Variants in COL4A2 observed in about 807,000 individuals in gnomAD.
COL4A2 encodes the protein collagen alpha-2(IV) chain.
In COL4A2, 99 loss-of-function variants were observed where a neutral mutation model predicts 200.2. That is an observed-to-expected ratio of 0.49 (90% confidence interval 0.42 to 0.58). COL4A2 has a LOEUF of 0.58. Ranked by LOEUF, COL4A2 falls within the 20% of genes least tolerant of loss-of-function variation. The pLI, the probability that COL4A2 is intolerant of heterozygous loss-of-function variation, is 0.00. For missense variants in COL4A2, 1,950 were observed against 2,314.1 expected, an observed-to-expected ratio of 0.84 and a Z score of 3.23; for synonymous variants, 897 against 900.6, an observed-to-expected ratio of 1.00 and a Z score of 0.07.
intron 4 of COL4A2, among the ~76,000 whole-genome samples, chr13:110,360,836 G>A (rs1233898688): frequency 6.6e-6 from 1 of 151,950 alleles, no homozygotes; most frequent in Non-Finnish European, 1.5e-5. Flanking sequence ...TGCACGCGCA[G>A]CACTCATGTG....
intron 4 of COL4A2, among the ~76,000 whole-genome samples, chr13:110,412,427 C>CG (rs1372123229): frequency 6.6e-6 from 1 of 152,184 alleles, no homozygotes; most frequent in African/African-American, 2.4e-5. Flanking sequence ...CCTGCCACCT[C>CG]GTGTTCACCA....
chr13:110,468,248 G>C, intron 27 of COL4A2: 1 of 471,596 alleles, frequency 2.1e-6, no homozygotes, highest in South Asian at 1.5e-5. Flanking sequence ...TGTGAGCAGA[G>C]GTAAAGGCTC....
chr13:110,432,269 T>A (rs1880710201), intron 10 of COL4A2, 56 bp from the exon 11 acceptor site: 1 of 1,558,666 alleles, frequency 6.4e-7, no homozygotes, highest in South Asian at 1.2e-5. Flanking sequence ...CCACCAGATG[T>A]TATCTGGGTC....
intron 40 of COL4A2, among the ~76,000 whole-genome samples, chr13:110,500,685 A>C (rs1883607276): frequency 6.6e-6 from 1 of 152,220 alleles, no homozygotes; most frequent in African/African-American, 2.4e-5. Flanking sequence ...GGGAAATACA[A>C]GGCTAAGTTC....
intron 16 of COL4A2, among the ~76,000 whole-genome samples, chr13:110,440,842 A>G (rs1251259263): frequency 6.6e-6 from 1 of 152,104 alleles, no homozygotes; most frequent in African/African-American, 2.4e-5. Flanking sequence ...CACTCATGCC[A>G]ACATACACAC....
intron 20 of COL4A2, among the ~76,000 whole-genome samples, chr13:110,453,516 A>G: frequency 6.6e-6 from 1 of 151,746 alleles, no homozygotes; most frequent in South Asian, 2.1e-4. Context: ...TAAAAAAAGG[A>G]AAAAAAAATC....
At chr13:110,432,415 G>T (rs1880717189) in intron 11 of COL4A2, 55 bp downstream of exon 11, 3 of 1,543,154 alleles carry the variant, frequency 1.9e-6, no homozygotes, top group Admixed American at 2.2e-5. Flanking sequence ...GGTGTTTGTG[G>T]GTTTGTTTGT....
intron 31 of COL4A2, among the ~76,000 whole-genome samples, chr13:110,482,182 AG>A (rs1191066510): frequency 2.6e-5 from 4 of 152,118 alleles, no homozygotes; most frequent in Non-Finnish European, 5.9e-5. Context: ...CTTCCTTTCC[AG>A]CGTGCTCCTC....
At chr13:110,385,104 T>C (rs1284075793) in intron 4 of COL4A2, among the ~76,000 whole-genome samples, 1 of 151,666 alleles carries the variant, frequency 6.6e-6, no homozygotes, top group African/African-American at 2.4e-5. Flanking sequence ...CTACTAAAAA[T>C]AGAAAAAATT....
chr13:110,500,989 G>A (rs1027398715), intron 40 of COL4A2, among the ~76,000 whole-genome samples: 7 of 152,212 alleles, frequency 4.6e-5, no homozygotes, highest in African/African-American at 1.7e-4. Flanking sequence ...CAGAGACCAA[G>A]ACAAGGACAC....
chr13:110,505,127 G>A (rs535214997), intron 45 of COL4A2, among the ~76,000 whole-genome samples: 2 of 151,612 alleles, frequency 1.3e-5, no homozygotes, highest in African/African-American at 2.4e-5. Context: ...GAGGTGGGCG[G>A]ATCACAAGGG....
In COL4A2 at chr13:110,458,801, G is replaced by A. The variant is rs865961716; in HGVS notation, c.1463G>A (p.Gly488Asp). The A allele has an allele frequency of 5.6e-6, 9 of 1,613,912 alleles. No homozygotes were observed. The African/African-American group carries it at 8.0e-5, about 14-fold the overall frequency. The change falls in exon 22 of 48, where the codon GGC becomes GAC. Residue 488 changes from glycine (G) to aspartate (D), a missense_variant. Gly to Asp is a moderately conservative substitution (Grantham distance 94). Transcript: ENST00000360467. ...GCTGGGGAATGCAGATGTACAGAAGGCGACGAAGCTATCAAAGGTCTTCCG... is the reference window on the plus strand; with the variant it reads ...GCTGGGGAATGCAGATGTACAGAAGACGACGAAGCTATCAAAGGTCTTCCG... ...GDAGECRCTEGDEAIKGLPGL... is the reference protein window; with the variant it reads ...GDAGECRCTEDDEAIKGLPGL...
chr13:110,490,547 G>A (rs1161912624), intron 36 of COL4A2, among the ~76,000 whole-genome samples: 2 of 152,124 alleles, frequency 1.3e-5, no homozygotes, highest in African/African-American at 4.8e-5. Context: ...TCAGAGAACC[G>A]CCGCTGGGAA....
In COL4A2 at chr13:110,351,925, G is replaced by A. The variant is rs1262661901; in HGVS notation, c.100-5547G>A. Among the ~76,000 whole-genome samples, 4 of 152,340 alleles carry A rather than the reference G, an allele frequency of 2.6e-5. No homozygotes were observed. The East Asian group carries it at 7.7e-4, about 29-fold the overall frequency. On this transcript the variant is annotated intron_variant, in intron 3 of 47. Coordinates refer to ENST00000360467, the MANE Select transcript of COL4A2 (RefSeq NM_001846.4). ...AGCCACTGAGCTGGCTGTCAGCTGAGTAGGGACTAAGGATGTTCAACTGTG... is the reference window on the plus strand; with the variant it reads ...AGCCACTGAGCTGGCTGTCAGCTGAATAGGGACTAAGGATGTTCAACTGTG...
intron 3 of COL4A2, among the ~76,000 whole-genome samples, chr13:110,356,296 A>G (rs920442295): frequency 1.3e-5 from 2 of 152,154 alleles, no homozygotes; most frequent in Admixed American, 6.5e-5. Flanking sequence ...TCTTCCCGGC[A>G]TTCCTCCTCC....
intron 45 of COL4A2, among the ~76,000 whole-genome samples, chr13:110,504,846 G>A (rs1027645011): frequency 3.3e-5 from 5 of 151,950 alleles, no homozygotes; most frequent in Admixed American, 1.3e-4. Flanking sequence ...GACCTCGAGC[G>A]ATCCGCCAGC....
In COL4A2 at chr13:110,356,355, C is replaced by G. The variant is rs189245958; in HGVS notation, c.100-1117C>G. On this transcript the variant is annotated intron_variant, in intron 3 of 47. Transcript: ENST00000360467. ...TAGGGCGAAGGGGAAAGAAAGTGGA[C>G]TTCCTCTGCCGACACCCCTCAAATG... Among the ~76,000 whole-genome samples the G allele has an allele frequency of 4.3e-4, 66 of 152,320 alleles. 1 individual carries two copies. Among genetic ancestry groups the G allele is most frequent in the Non-Finnish European group, 1.5e-4 (10 of 68,022 alleles).
chr13:110,483,305 C>T (rs1311586552), intron 32 of COL4A2, among the ~76,000 whole-genome samples: 1 of 152,146 alleles, frequency 6.6e-6, no homozygotes, highest in African/African-American at 2.4e-5. Context: ...TCACAGGCTG[C>T]CAGCAGGAGT....
At chr13:110,375,132 G>A (rs368516983) in intron 4 of COL4A2, among the ~76,000 whole-genome samples, 15 of 152,258 alleles carry the variant, frequency 9.9e-5, no homozygotes, top group African/African-American at 2.6e-4. Context: ...GATACTTCTC[G>A]CCATTCAGGT....
Sources: allele counts gnomAD v4.1 joint callset (sites outside exome capture counted in the v4.1 genomes callset), GRCh38; gene constraint gnomAD v4.1.1; transcripts MANE v1.5; gene names NCBI Gene and HGNC (gene_info 2026-07-23, HGNC 2026-07-21).